Variants in CASP8 observed in about 807,000 individuals in gnomAD.
The protein encoded by CASP8 is caspase 8, also known as caspase-8.
Under a neutral mutation model 46.3 loss-of-function variants are expected in CASP8, and 24 were observed. The observed-to-expected ratio is 0.52, with a 90% confidence interval of 0.38 to 0.73. The LOEUF is 0.73. CASP8 is among the 30% of genes least tolerant of loss of function. The pLI is 0.00. For synonymous variants in CASP8, 188 were observed against 200.4 expected, an observed-to-expected ratio of 0.94 and a Z score of 0.52; for missense variants, 460 against 559.0, an observed-to-expected ratio of 0.82 and a Z score of 1.79.
rs2125511260 is a variant in CASP8 at position 201,286,526 on chromosome 2, A to T, written c.1372A>T (p.Asn458Tyr). 1.2e-6 allele frequency: 2 copies of T among 1,614,062 alleles called. No individual in the cohort carries two copies. The highest frequency in any genetic ancestry group is 1.7e-6 in the Non-Finnish European group (2 of 1,179,922). ...AGTAAGCAACAAGGATGACAAGAAA[A>T]ACATGGGGAAACAGATGCCTCAGCC... Reference protein sequence around the residue: ...YEVSNKDDKKNMGKQMPQPTF... With the variant: ...YEVSNKDDKKYMGKQMPQPTF... Residue 458 changes from asparagine to tyrosine, a missense_variant, in exon 9 of 9, where the codon AAC becomes TAC. Coordinates refer to ENST00000673742, the MANE Select transcript of CASP8 (RefSeq NM_001372051.1).
upstream of CASP8, among the ~76,000 whole-genome samples, chr2:201,257,481 C>CA (rs375598463): frequency 0.54 from 65,976 of 122,102 alleles, 17,677 homozygotes; most frequent in South Asian, 0.74. Flanking sequence ...GACTCCGTCT[C>CA]AAAAAAAAAA....
Position 201,272,617 on chromosome 2 carries a change from CT to C in CASP8, c.412-18del, listed in dbSNP as rs1948343256. 6.2e-7 allele frequency: 1 copy of C among 1,613,734 alleles called. No homozygotes were observed. Among genetic ancestry groups the C allele is most frequent in the Non-Finnish European group, 8.5e-7 (1 of 1,179,786 alleles). On this transcript the variant is annotated intron_variant, in intron 3 of 8. Coordinates refer to ENST00000673742, the MANE Select transcript of CASP8 (RefSeq NM_001372051.1). This position sits in a 1 kb window ranked among gnomAD's most constrained non-coding sequence, Gnocchi z 4.4. Reference sequence around the variant, plus strand: ...AGTAGGGCTCAATCCAGATTCCCAACTTTATTTCTCCTCCTCTTAGAACCTG... The same window carrying C: ...AGTAGGGCTCAATCCAGATTCCCAACTTATTTCTCCTCCTCTTAGAACCTG...
chr2:201,269,424 C>T, intron 2 of CASP8: 1 of 815,874 alleles, frequency 1.2e-6, no homozygotes, highest in South Asian at 1.4e-5. Flanking sequence ...CATTAAGGCG[C>T]CAGTTAGTCC....
chr2:201,282,569 A>AC (rs1161974456), intron 7 of CASP8, among the ~76,000 whole-genome samples: 18 of 93,544 alleles, frequency 1.9e-4, no homozygotes, highest in African/African-American at 4.0e-4. Flanking sequence ...CGGGGGGCTG[A>AC]CCCCCCCACC....
chr2:201,239,908 T>C (rs1386980762), intron 2 of CASP8, among the ~76,000 whole-genome samples: 1 of 152,226 alleles, frequency 6.6e-6, no homozygotes, highest in Non-Finnish European at 1.5e-5. Context: ...GATCTGGCTC[T>C]CTTTTGCCCT....
rs879691303 is a variant in CASP8 at position 201,243,784 on chromosome 2, A to G, written c.-27+9672A>G. Among the ~76,000 whole-genome samples, 17 of 152,228 alleles carry G rather than the reference A, an allele frequency of 1.1e-4. 1 individual carries two copies. The highest frequency in any genetic ancestry group is 1.1e-3 in the Admixed American group (17 of 15,284). On this transcript the variant is annotated intron_variant, in intron 2 of 6. Transcript: ENST00000264274. ...GATAAGTTAGTTTAATACGCATAAC[A>G]GCATGGCTGTCCCGAGGCATACAGG... is the stretch of plus-strand genomic sequence containing the variant.
rs370257689 is a variant in CASP8 at position 201,286,709 on chromosome 2, G to A, written c.*115G>A. Reference sequence around the variant, plus strand: ...CGGCTCACCGCAAGCTCCGCCTCCCGGGTTCAGGCCATTCTCCTGCCTCAG... The same window carrying A: ...CGGCTCACCGCAAGCTCCGCCTCCCAGGTTCAGGCCATTCTCCTGCCTCAG... On this transcript the variant is annotated 3_prime_UTR_variant, in exon 9 of 9. Coordinates refer to ENST00000673742, the MANE Select transcript of CASP8 (RefSeq NM_001372051.1). 5.3e-4 allele frequency: 473 copies of A among 892,718 alleles called. 1 individual carries two copies. In the African/African-American group the frequency reaches 6.0e-3, roughly 11 times the overall value. The allele number at this position is 892,718 out of a possible 1,614,324, so 55.3% of individuals were successfully genotyped here.
chr2:201,237,438 T>TAAAAA (rs774127508), intron 2 of CASP8, among the ~76,000 whole-genome samples: 22 of 46,090 alleles, frequency 4.8e-4, no homozygotes, highest in African/African-American at 1.6e-3. Flanking sequence ...ATCTTCAGAG[T>TAAAAA]AAAAAAAAAA....
chr2:201,283,197 C>T (rs1481243350), intron 7 of CASP8, among the ~76,000 whole-genome samples: 27 of 71,482 alleles, frequency 3.8e-4, no homozygotes, highest in African/African-American at 9.7e-4. Context: ...ACCTCCTGGA[C>T]GGGGCGGCTG....
intron 2 of CASP8, among the ~76,000 whole-genome samples, chr2:201,268,234 C>A (rs1397349799): frequency 6.6e-6 from 1 of 152,270 alleles, no homozygotes; most frequent in Admixed American, 6.5e-5. Flanking sequence ...CAAGGCTTGA[C>A]CATTTTGATT....
intron 2 of CASP8, among the ~76,000 whole-genome samples, chr2:201,254,972 G>T (rs1333830284): frequency 6.6e-6 from 1 of 152,222 alleles, no homozygotes; most frequent in East Asian, 1.9e-4. Flanking sequence ...AGTCACACAG[G>T]CACATGTCTC....
rs1948371822 is a variant in CASP8 at position 201,272,923 on chromosome 2, T to C, written c.576T>C (p.Ser192=). The C allele has an allele frequency of 6.2e-7, 1 of 1,614,016 alleles. No individual in the cohort carries two copies. Among genetic ancestry groups the C allele is most frequent in the East Asian group, 2.2e-5 (1 of 44,894 alleles). ...AGAGAAGCAGCAGCCTTGAAGGAAG[T>C]CCTGATGAATTTTCAAATGGTAATG... is the stretch of plus-strand genomic sequence containing the variant. ...SKERSSSLEG[S]PDEFSNGEEL... is the part of the protein sequence containing the mutation. The change falls in exon 5 of 9, where the codon AGT becomes AGC. Residue 192 remains serine (S), a synonymous_variant. Transcript: ENST00000673742. This position sits in a 1 kb window ranked among gnomAD's most constrained non-coding sequence, Gnocchi z 4.4.
At chr2:201,282,478 G>T (rs866926606) in intron 7 of CASP8, among the ~76,000 whole-genome samples, 2 of 100,446 alleles carry the variant, frequency 2.0e-5, no homozygotes, top group Admixed American at 1.8e-4. Flanking sequence ...GGTCGTGGCC[G>T]GGCAGAGGGG....
chr2:201,258,228 G>C, upstream of CASP8: 1 of 1,607,034 alleles, frequency 6.2e-7, no homozygotes, highest in South Asian at 1.1e-5. Context: ...CAGGAAGTGA[G>C]GCCATGGAGG....
At chr2:201,283,254 TGGCC>T (rs1222626953) in intron 7 of CASP8, among the ~76,000 whole-genome samples, 4 of 86,056 alleles carry the variant, frequency 4.6e-5, no homozygotes, top group African/African-American at 1.6e-4. Context: ...ACTGGGCGGC[TGGCC>T]GGGCGGGGGG....
intron 2 of CASP8, among the ~76,000 whole-genome samples, chr2:201,236,593 C>A (rs1029732280): frequency 2.6e-5 from 4 of 151,992 alleles, no homozygotes; most frequent in African/African-American, 9.7e-5. Flanking sequence ...ATTAAAAAGT[C>A]TTTTTTTAGA....
intron 1 of CASP8, among the ~76,000 whole-genome samples, chr2:201,265,033 C>CA (rs527869821): frequency 7.9e-5 from 12 of 151,708 alleles, no homozygotes; most frequent in Non-Finnish European, 1.2e-4. Context: ...CATTTCCACA[C>CA]AAAAAAACCA....
At chr2:201,250,855 T>C (rs1402649652) in intron 2 of CASP8, among the ~76,000 whole-genome samples, 1 of 152,204 alleles carries the variant, frequency 6.6e-6, no homozygotes, top group African/African-American at 2.4e-5. Flanking sequence ...AAATGAATAA[T>C]GCCATGTAGA....
intron 7 of CASP8, chr2:201,277,792 C>G (rs887383363): frequency 2.6e-6 from 1 of 386,002 alleles, no homozygotes; most frequent in Non-Finnish European, 5.0e-6. Flanking sequence ...CCTCCACCTC[C>G]CTGGTTCAAG....
Sources: gnomAD v4.1 joint callset for allele counts (sites outside exome capture counted in the v4.1 genomes callset) on GRCh38, gnomAD v4.1.1 for gene constraint, Gnocchi (gnomAD v3.1) non-coding constraint, MANE v1.5 for transcripts, NCBI Gene and HGNC (gene_info 2026-07-23, HGNC 2026-07-21) for gene names.